The following DOCK3 variants were observed in gnomAD, a reference collection of about 807,000 sequenced individuals.
DOCK3 encodes dedicator of cytokinesis protein 3.
A neutral mutation model predicts 265.6 loss-of-function variants in DOCK3; 60 were observed. The observed-to-expected ratio is 0.23, with a 90% CI of 0.18 to 0.28. The LOEUF (loss-of-function observed/expected upper bound fraction) is 0.28, where lower values mean the gene tolerates loss of function less well. Among genes scored for constraint, DOCK3 ranks in the 10% least tolerant of loss-of-function variants. The pLI is 1.00. For missense variants in DOCK3, 1,981 were observed against 2,594.3 expected, an observed-to-expected ratio of 0.76 and a Z score of 5.14; for synonymous variants, 881 against 938.0, an observed-to-expected ratio of 0.94 and a Z score of 1.11.
chr3:51,356,051 T>C lies in DOCK3; in HGVS notation c.4250-38T>C, dbSNP rs759604367. ...CAGGGGTCAGCCTCTCAGGCCCAGC[T>C]CTGGCAAGTCTGTGTTTCTCCTTCA... On this transcript the variant is annotated intron_variant, in intron 41 of 52. Transcript: ENST00000266037. The C allele has an allele frequency of 1.7e-5, 28 of 1,612,604 alleles. No homozygotes were observed. In the Admixed American group the frequency reaches 2.5e-4, roughly 14 times the overall value.
intron 5 of DOCK3, among the ~76,000 whole-genome samples, chr3:51,036,359 A>G (rs1055119986): frequency 5.3e-5 from 8 of 152,192 alleles, no homozygotes; most frequent in African/African-American, 1.7e-4. Flanking sequence ...TGGCTATAAT[A>G]TAGTCAATCT....
At chr3:50,910,262 C>T (rs989490919) in intron 4 of DOCK3, among the ~76,000 whole-genome samples, 2 of 152,080 alleles carry the variant, frequency 1.3e-5, no homozygotes, top group African/African-American at 4.8e-5. Flanking sequence ...TGTGCTCTTG[C>T]TGGAGAGGTA....
chr3:50,698,691 C>T (rs2035832397), intron 1 of DOCK3, among the ~76,000 whole-genome samples: 1 of 151,426 alleles, frequency 6.6e-6, no homozygotes, highest in Non-Finnish European at 1.5e-5. Context: ...CATATCCTCA[C>T]CCATACTAAT....
chr3:51,084,715 T>TA (rs1004510304), intron 7 of DOCK3, among the ~76,000 whole-genome samples: 1 of 151,822 alleles, frequency 6.6e-6, no homozygotes, highest in Admixed American at 6.6e-5. Flanking sequence ...ATTACCATCA[T>TA]AAAAAAACCA....
chr3:50,842,061 A>T (rs967602496), intron 3 of DOCK3, among the ~76,000 whole-genome samples: 2 of 152,208 alleles, frequency 1.3e-5, no homozygotes, highest in African/African-American at 4.8e-5. Flanking sequence ...TTCTAAAAGC[A>T]CAATGGAAAA....
chr3:51,238,997 A>G (rs1391057816), intron 21 of DOCK3, among the ~76,000 whole-genome samples: 1 of 152,138 alleles, frequency 6.6e-6, no homozygotes, highest in Non-Finnish European at 1.5e-5. Flanking sequence ...GCTGGGTCAA[A>G]TGGTAGTTCT....
intron 12 of DOCK3, among the ~76,000 whole-genome samples, chr3:51,207,314 T>G (rs1487698344): frequency 6.6e-6 from 1 of 152,176 alleles, no homozygotes. Context: ...AGTTCCACCA[T>G]ACCACCAAGG....
chr3:50,807,261 T>A (rs75940760), intron 2 of DOCK3, among the ~76,000 whole-genome samples: 35 of 6,194 alleles, frequency 5.7e-3, no homozygotes, highest in African/African-American at 0.013. Context: ...TTTTTTTTTT[T>A]TTTTTTTTTT....
intron 5 of DOCK3, among the ~76,000 whole-genome samples, chr3:50,992,874 T>C (rs144502033): frequency 2.0e-5 from 3 of 152,276 alleles, no homozygotes; most frequent in African/African-American, 7.2e-5. Flanking sequence ...AGCTCCAAAA[T>C]TGAATCAGTA....
rs530617392 is a variant in DOCK3 at position 51,089,492 on chromosome 3, A to C, written c.591+208A>C. 1.2e-4 allele frequency among the ~76,000 whole-genome samples: 19 copies of C among 152,362 alleles called. No individual in the cohort carries two copies. In the South Asian group the frequency reaches 3.5e-3, roughly 28 times the overall value. ...GCATAAGCACAATTAAAGCAGACTG[A>C]AACTAAAATGAATCAGTCTGGGAGA... On this transcript the variant is annotated intron_variant, in intron 8 of 52. Coordinates refer to ENST00000266037, the MANE Select transcript of DOCK3 (RefSeq NM_004947.5).
chr3:51,169,276 C>A (rs2086561373), intron 12 of DOCK3, among the ~76,000 whole-genome samples: 1 of 152,112 alleles, frequency 6.6e-6, no homozygotes, highest in Non-Finnish European at 1.5e-5. Context: ...ATCATAAAGA[C>A]ACATGCACAT....
chr3:50,776,152 A>G (rs769628225), intron 1 of DOCK3, among the ~76,000 whole-genome samples: 1 of 152,172 alleles, frequency 6.6e-6, no homozygotes, highest in African/African-American at 2.4e-5. Context: ...TAATTCTTTA[A>G]GGAATCTCCA....
At chr3:51,325,575 G>C (rs2084045142) in intron 32 of DOCK3, among the ~76,000 whole-genome samples, 1 of 152,062 alleles carries the variant, frequency 6.6e-6, no homozygotes, top group South Asian at 2.1e-4. Flanking sequence ...TATACCCAAA[G>C]GATTATAAAT....
chr3:50,981,381 C>G (rs1184414034), intron 5 of DOCK3, among the ~76,000 whole-genome samples: 1 of 152,156 alleles, frequency 6.6e-6, no homozygotes, highest in Non-Finnish European at 1.5e-5. Context: ...ACCAGATGGC[C>G]TAGCCTAGAG....
At chr3:51,155,984 A>C (rs1020370890) in intron 10 of DOCK3, among the ~76,000 whole-genome samples, 1 of 152,186 alleles carries the variant, frequency 6.6e-6, no homozygotes, top group African/African-American at 2.4e-5. Flanking sequence ...ACAGTTTTCC[A>C]AGTATTAGTT....
At chr3:50,776,222 C>T (rs2041589617) in intron 1 of DOCK3, among the ~76,000 whole-genome samples, 1 of 152,064 alleles carries the variant, frequency 6.6e-6, no homozygotes, top group Admixed American at 6.6e-5. Context: ...AAAAGTGTTC[C>T]TTTTTCACTA....
At chr3:51,371,770 G>T (rs2087698160) in intron 49 of DOCK3, among the ~76,000 whole-genome samples, 1 of 152,228 alleles carries the variant, frequency 6.6e-6, no homozygotes, top group South Asian at 2.1e-4. Flanking sequence ...TGTTGCTTTG[G>T]AAATGTCTGA....
chr3:51,048,047 C>T (rs1486793919), intron 5 of DOCK3, among the ~76,000 whole-genome samples: 1 of 152,014 alleles, frequency 6.6e-6, no homozygotes. Flanking sequence ...ACCAGTAATC[C>T]TGGGATGCAA....
At chr3:51,034,661 A>G (rs2080187715) in intron 5 of DOCK3, among the ~76,000 whole-genome samples, 2 of 152,066 alleles carry the variant, frequency 1.3e-5, no homozygotes, top group African/African-American at 4.8e-5. Flanking sequence ...ATAGTCCTCA[A>G]TATTTATCCA....
Sources: gnomAD v4.1 joint callset for allele counts (sites outside exome capture counted in the v4.1 genomes callset) on GRCh38, gnomAD v4.1.1 for gene constraint, MANE v1.5 for transcripts, NCBI Gene and HGNC (gene_info 2026-07-23, HGNC 2026-07-21) for gene names.